EEPD1: variants seen among roughly 807,000 people sequenced by gnomAD.
EEPD1 encodes endonuclease/exonuclease/phosphatase family domain-containing protein 1.
A neutral mutation model predicts 46.3 loss-of-function variants in EEPD1; 17 were observed. The ratio of observed to expected loss-of-function variants is 0.37; its 90% CI spans 0.25 to 0.55. The LOEUF (loss-of-function observed/expected upper bound fraction) is 0.55. Among genes scored for constraint, EEPD1 ranks in the 20% least tolerant of loss-of-function variants. The pLI, the probability that EEPD1 is intolerant of heterozygous loss-of-function variation, is 0.83. For synonymous variants in EEPD1, 313 were observed against 315.6 expected (o/e 0.99, Z 0.09); for missense variants, 673 against 745.6 (o/e 0.90, Z 1.13).
chr7:36,156,135 T>C (rs533788553), intron 2 of EEPD1, among the ~76,000 whole-genome samples: 2 of 152,324 alleles, frequency 1.3e-5, no homozygotes, highest in South Asian at 4.1e-4. Context: ...TGTTTGTGGC[T>C]ACTCGTTGAT....
At chr7:36,271,583 T>G (rs549738885) in intron 3 of EEPD1, among the ~76,000 whole-genome samples, 1 of 152,234 alleles carries the variant, frequency 6.6e-6, no homozygotes, top group African/African-American at 2.4e-5. Context: ...TGATGATAGT[T>G]TCTTTTGCTG....
chr7:36,247,665 G>A (rs566826430), intron 3 of EEPD1, among the ~76,000 whole-genome samples: 1 of 152,338 alleles, frequency 6.6e-6, no homozygotes, highest in Non-Finnish European at 1.5e-5. Flanking sequence ...CACAGCAGGT[G>A]TGTTGGTAAT....
chr7:36,239,026 C>G lies in EEPD1; in HGVS notation c.920C>G (p.Ala307Gly). 6.2e-7 allele frequency: 1 copy of G among 1,611,222 alleles called. No homozygotes were observed. The highest frequency in any genetic ancestry group is 1.1e-5 in the South Asian group (1 of 90,278). ...LAVQELLDREALEKFCTELNQ... is the reference protein window; with the variant it reads ...LAVQELLDREGLEKFCTELNQ... ...GTGCAAGAACTGCTTGACAGAGAGG[C>G]CTTGGAAAAGGTAAATATTTTACTC... Residue 307 changes from alanine to glycine, a missense_variant, in exon 3 of 8, where the codon GCC (alanine) becomes GGC (glycine). Physicochemically the swap from Ala to Gly is moderately conservative, Grantham distance 60. Transcript: ENST00000242108.
At chr7:36,291,145 G>A (rs908631071) in intron 6 of EEPD1, among the ~76,000 whole-genome samples, 1 of 152,180 alleles carries the variant, frequency 6.6e-6, no homozygotes, top group East Asian at 1.9e-4. Flanking sequence ...GCATCCCAAC[G>A]AAAACCTCCC....
At chr7:36,215,755 G>T (rs1786020165) in intron 2 of EEPD1, among the ~76,000 whole-genome samples, 1 of 152,222 alleles carries the variant, frequency 6.6e-6, no homozygotes, top group Admixed American at 6.5e-5. Flanking sequence ...GCTGTTTCTG[G>T]GTGGGAGGTG....
intron 2 of EEPD1, among the ~76,000 whole-genome samples, chr7:36,205,998 A>T (rs1224170296): frequency 6.6e-6 from 1 of 152,166 alleles, no homozygotes; most frequent in Non-Finnish European, 1.5e-5. Context: ...TTCCATTCAC[A>T]CACCGGCCCT....
chr7:36,176,730 T>C (rs77129039), intron 2 of EEPD1, among the ~76,000 whole-genome samples: 32 of 152,344 alleles, frequency 2.1e-4, no homozygotes, highest in Non-Finnish European at 3.8e-4. Flanking sequence ...GCTAACTTGA[T>C]ATGCTTTTGA....
intron 2 of EEPD1, among the ~76,000 whole-genome samples, chr7:36,171,411 A>C (rs2100024882): frequency 6.6e-6 from 1 of 152,256 alleles, no homozygotes; most frequent in South Asian, 2.1e-4. Context: ...GTTTAAAATT[A>C]ATTTCACTTG....
At chr7:36,188,204 ACTCT>A (rs551796861) in intron 2 of EEPD1, among the ~76,000 whole-genome samples, 4 of 150,602 alleles carry the variant, frequency 2.7e-5, no homozygotes, top group African/African-American at 9.7e-5. Context: ...TCTCTATCTT[ACTCT>A]CTCTTTCTCT....
intron 3 of EEPD1, among the ~76,000 whole-genome samples, chr7:36,257,134 T>A (rs1198654189): frequency 6.6e-6 from 1 of 152,244 alleles, no homozygotes; most frequent in East Asian, 1.9e-4. Flanking sequence ...TCTTTAAGAA[T>A]GTTGAATATT....
intron 3 of EEPD1, among the ~76,000 whole-genome samples, chr7:36,246,691 GT>G (rs576845299): frequency 2.0e-5 from 3 of 148,540 alleles, no homozygotes; most frequent in East Asian, 2.0e-4. Context: ...GCTGATAGGT[GT>G]TTTTTTTTTA....
chr7:36,200,145 CAAGT>C (rs1785690169), intron 2 of EEPD1, among the ~76,000 whole-genome samples: 1 of 151,828 alleles, frequency 6.6e-6, no homozygotes, highest in African/African-American at 2.4e-5. Flanking sequence ...TCTCCATCCT[CAAGT>C]AAACCCCTAG....
rs541422963 is a variant in EEPD1 at position 36,237,457 on chromosome 7, C to G, written c.879-1528C>G. On this transcript the variant is annotated intron_variant, in intron 2 of 7. Transcript: ENST00000242108. ...GGCCCTCTAGAACTTTTTCTTTATC[C>G]CAAAGTGAAATTCCATACCTTTTAA... Among the ~76,000 whole-genome samples the G allele has an allele frequency of 1.2e-3, 189 of 152,160 alleles. 1 individual carries two copies. The highest frequency in any genetic ancestry group is 2.3e-3 in the Non-Finnish European group (157 of 68,016).
At chr7:36,199,404 C>T (rs747647810) in intron 2 of EEPD1, among the ~76,000 whole-genome samples, 1 of 152,064 alleles carries the variant, frequency 6.6e-6, no homozygotes, top group Non-Finnish European at 1.5e-5. Context: ...ATTGGCATGG[C>T]CTGAGAAGTG....
At chr7:36,158,640 AG>A (rs1268810544) in intron 2 of EEPD1, among the ~76,000 whole-genome samples, 3 of 152,210 alleles carry the variant, frequency 2.0e-5, no homozygotes, top group African/African-American at 7.2e-5. Flanking sequence ...CAGAACTGAC[AG>A]GTTTCATTAG....
intron 2 of EEPD1, among the ~76,000 whole-genome samples, chr7:36,202,671 C>T (rs778307086): frequency 3.9e-5 from 6 of 152,268 alleles, no homozygotes; most frequent in Admixed American, 1.3e-4. Context: ...TTGAATGACT[C>T]GGTGTCCGTG....
At chr7:36,243,361 G>C (rs1786587122) in intron 3 of EEPD1, among the ~76,000 whole-genome samples, 1 of 149,226 alleles carries the variant, frequency 6.7e-6, no homozygotes, top group Non-Finnish European at 1.5e-5. Context: ...CATTCTATTT[G>C]TGAGAACCCA....
chr7:36,237,540 G>A lies in EEPD1; in HGVS notation c.879-1445G>A, dbSNP rs190598183. Among the ~76,000 whole-genome samples the A allele has an allele frequency of 5.8e-4, 88 of 152,272 alleles. No homozygotes were observed. In the East Asian group the frequency reaches 0.014, roughly 24 times the overall value. On this transcript the variant is annotated intron_variant, in intron 2 of 7. Coordinates refer to ENST00000242108, the MANE Select transcript of EEPD1 (RefSeq NM_030636.3). ...CCCTGGTAAGCACCATTCTGTTACC[G>A]GAAAGGGGTCCCCATGTAGACCCCA...
At chr7:36,156,525 T>C (rs1334187512) in intron 2 of EEPD1, among the ~76,000 whole-genome samples, 4 of 152,148 alleles carry the variant, frequency 2.6e-5, no homozygotes, top group African/African-American at 9.7e-5. Flanking sequence ...CATAGCAGCA[T>C]GGGCGTGTGA....
Sources: gnomAD v4.1 joint callset for allele counts (sites outside exome capture counted in the v4.1 genomes callset) on GRCh38, gnomAD v4.1.1 for gene constraint, MANE v1.5 for transcripts, NCBI Gene and HGNC (gene_info 2026-07-23, HGNC 2026-07-21) for gene names.